The following CHL1 variants were observed in gnomAD, a reference collection of about 807,000 sequenced individuals.
The protein encoded by CHL1 is neural cell adhesion molecule L1-like protein.
In CHL1, 96 loss-of-function variants were observed where a neutral mutation model predicts 141.9. The observed-to-expected ratio is 0.68, with a 90% CI of 0.57 to 0.80. The LOEUF is 0.80. CHL1 is among the 30% of genes least tolerant of loss of function. The probability of loss-of-function intolerance (pLI) is 0.00; values close to 1 mark genes in which losing one functional copy is unlikely to be tolerated. For synonymous variants in CHL1, 613 were observed against 502.2 expected, an observed-to-expected ratio of 1.22 and a Z score of -2.95; for missense variants, 1,820 against 1,457.2, an observed-to-expected ratio of 1.25 and a Z score of -4.05.
chr3:299,041 T>C (rs1160832238), intron 2 of CHL1, among the ~76,000 whole-genome samples: 2 of 152,138 alleles, frequency 1.3e-5, no homozygotes, highest in Admixed American at 6.6e-5. Flanking sequence ...TTTGTACAAG[T>C]TTTGAGTATA....
intron 1 of CHL1, among the ~76,000 whole-genome samples, chr3:238,894 T>A (rs575252636): frequency 6.6e-6 from 1 of 152,124 alleles, no homozygotes; most frequent in South Asian, 2.1e-4. Context: ...AATCGCGCCA[T>A]TGCACTCCAG....
chr3:272,922 A>G (rs1695767763), intron 2 of CHL1, among the ~76,000 whole-genome samples: 1 of 152,192 alleles, frequency 6.6e-6, no homozygotes, highest in Admixed American at 6.5e-5. Flanking sequence ...GGGAGATGAC[A>G]GACAGCAAAA....
intron 2 of CHL1, among the ~76,000 whole-genome samples, chr3:294,639 T>C (rs894340824): frequency 1.5e-4 from 21 of 139,626 alleles, no homozygotes; most frequent in African/African-American, 5.0e-4. Flanking sequence ...TCTAAAATAT[T>C]CCTTTTTTTT....
intron 26 of CHL1, among the ~76,000 whole-genome samples, chr3:401,023 C>G (rs1263569609): frequency 6.6e-6 from 1 of 151,044 alleles, no homozygotes; most frequent in African/African-American, 2.4e-5. Flanking sequence ...AACCTCAGCT[C>G]CTCGTGTAGC....
chr3:352,040 A>G (rs1703311530), intron 10 of CHL1, among the ~76,000 whole-genome samples: 2 of 152,198 alleles, frequency 1.3e-5, no homozygotes. Context: ...TCAACTTTTG[A>G]ATTATTTAAA....
chr3:242,440 C>CA (rs1168182807), intron 1 of CHL1, among the ~76,000 whole-genome samples: 1 of 135,070 alleles, frequency 7.4e-6, no homozygotes, highest in African/African-American at 2.7e-5. Context: ...ACTAAAAATA[C>CA]AAAAAATTAT....
chr3:372,016 T>G (rs1356162771), intron 15 of CHL1, among the ~76,000 whole-genome samples: 1 of 152,194 alleles, frequency 6.6e-6, no homozygotes, highest in African/African-American at 2.4e-5. Context: ...TGACCTGGCC[T>G]TTCTCTCTGG....
At chr3:334,102 A>G (rs1701676166) in intron 5 of CHL1, among the ~76,000 whole-genome samples, 4 of 152,172 alleles carry the variant, frequency 2.6e-5, no homozygotes, top group Admixed American at 2.6e-4. Flanking sequence ...GACTACAGGC[A>G]TGTACCACCA....
intron 3 of CHL1, among the ~76,000 whole-genome samples, chr3:324,681 C>T (rs139887287): frequency 2.6e-3 from 397 of 151,724 alleles, no homozygotes; most frequent in African/African-American, 9.1e-3. Context: ...CTCTGTCACC[C>T]AGGCTCAAGC....
chr3:367,563 A>G (rs1401111662), intron 15 of CHL1, among the ~76,000 whole-genome samples: 1 of 152,246 alleles, frequency 6.6e-6, no homozygotes, highest in Non-Finnish European at 1.5e-5. Flanking sequence ...CATACAGAGC[A>G]CTTAGAAAAT....
At position 383,988 on chromosome 3, in the gene CHL1, A is replaced by C. The variant is rs1256121308; in HGVS notation, c.2247+102A>C. ...TAGCACAACATTTTTTTAAGAACAA[A>C]GATAAGATTTGGAAATGAAATTAAC... On this transcript the variant is annotated intron_variant, in intron 19 of 27. Coordinates refer to ENST00000256509, the MANE Select transcript of CHL1 (RefSeq NM_006614.4). 1.4e-5 allele frequency: 10 copies of C among 725,052 alleles called. No homozygotes were observed. The African/African-American group carries it at 1.4e-4, about 10-fold the overall frequency. 44.9% of individuals were successfully genotyped at this position (725,052 alleles called of 1,614,324 possible).
intron 2 of CHL1, among the ~76,000 whole-genome samples, chr3:254,577 T>C (rs115580967): frequency 5.3e-5 from 8 of 152,292 alleles, no homozygotes; most frequent in African/African-American, 1.7e-4. Flanking sequence ...AAGCCACGTA[T>C]CTTGGTGCTT....
At chr3:253,936 CA>C (rs1294784100) in intron 2 of CHL1, among the ~76,000 whole-genome samples, 1 of 152,166 alleles carries the variant, frequency 6.6e-6, no homozygotes, top group African/African-American at 2.4e-5. Context: ...CTGAGCTAGC[CA>C]TCATGTTAGA....
intron 1 of CHL1, among the ~76,000 whole-genome samples, chr3:212,653 C>T (rs184663971): frequency 6.6e-6 from 1 of 152,312 alleles, no homozygotes; most frequent in Non-Finnish European, 1.5e-5. Context: ...GGCCAAGTAA[C>T]TGTCACATTT....
intron 1 of CHL1, among the ~76,000 whole-genome samples, chr3:204,274 G>A (rs1340992616): frequency 6.6e-6 from 1 of 152,208 alleles, no homozygotes; most frequent in Non-Finnish European, 1.5e-5. Flanking sequence ...GCTGTAAGTG[G>A]TGATTCTCCT....
intron 1 of CHL1, among the ~76,000 whole-genome samples, chr3:209,030 C>G (rs12496968): frequency 6.6e-6 from 1 of 151,974 alleles, no homozygotes; most frequent in Non-Finnish European, 1.5e-5. Context: ...TAATAAATGA[C>G]TATAATGAGA....
intron 1 of CHL1, among the ~76,000 whole-genome samples, chr3:225,966 A>G (rs1033227216): frequency 2.6e-5 from 4 of 151,608 alleles, no homozygotes; most frequent in Non-Finnish European, 4.4e-5. Flanking sequence ...CCGAGATAGC[A>G]CCAGTGCACT....
intron 2 of CHL1, among the ~76,000 whole-genome samples, chr3:307,510 A>G (rs1403177291): frequency 2.6e-5 from 4 of 152,218 alleles, no homozygotes; most frequent in Non-Finnish European, 5.9e-5. Flanking sequence ...AAAAACACTC[A>G]TTGCAAAAAT....
At chr3:396,756 G>A (rs563467534) in intron 24 of CHL1, among the ~76,000 whole-genome samples, 2 of 152,122 alleles carry the variant, frequency 1.3e-5, no homozygotes, top group South Asian at 4.2e-4. Context: ...CCCCCTTCCC[G>A]AGTTGACACT....
Sources: gnomAD v4.1 joint callset for allele counts (sites outside exome capture counted in the v4.1 genomes callset) on GRCh38, gnomAD v4.1.1 for gene constraint, MANE v1.5 for transcripts, NCBI Gene and HGNC (gene_info 2026-07-23, HGNC 2026-07-21) for gene names.